Variants in LILRA4 observed in about 807,000 individuals in gnomAD.
LILRA4 encodes leukocyte immunoglobulin like receptor A4.
Under a neutral mutation model 49.5 loss-of-function variants are expected in LILRA4, and 51 were observed. The ratio of observed to expected loss-of-function variants is 1.03; its 90% CI spans 0.82 to 1.30. The LOEUF (loss-of-function observed/expected upper bound fraction) is 1.30. LILRA4 is among the 50% of genes most tolerant of loss of function. LILRA4 has a pLI of 0.00. For missense variants in LILRA4, 624 were observed against 625.6 expected (o/e 1.00, Z 0.03); for synonymous variants, 272 against 265.6 (o/e 1.02, Z -0.23).
chr19:54,336,137 C>G (rs7246860), intron 6 of LILRA4: 1 of 152,140 alleles, frequency 6.6e-6, no homozygotes, highest in Non-Finnish European at 1.5e-5. Context: ...ACACCTCCCT[C>G]CCCTCTGACC....
In LILRA4 at chr19:54,338,135, G is replaced by T. The variant is rs770014137; in HGVS notation, c.456C>A (p.Phe152Leu). The T allele has an allele frequency of 1.9e-6, 3 of 1,614,114 alleles. No individual in the cohort carries two copies. The highest frequency in any genetic ancestry group is 2.5e-6 in the Non-Finnish European group (3 of 1,179,994). Reference protein sequence around the residue: ...RCASRLGLGRFTLIEEGDHRL... With the variant: ...RCASRLGLGRLTLIEEGDHRL... ...TGTGGTCTCCTTCCTCAATCAGAGT[G>T]AACCTGCCCAGTCCCAGCCGTGAGG... The change falls in exon 4 of 8, where the codon TTC (phenylalanine) becomes TTA (leucine). Residue 152 changes from phenylalanine to leucine, a missense_variant. Physicochemically the swap from Phe to Leu is conservative, Grantham distance 22. Coordinates refer to ENST00000291759, the MANE Select transcript of LILRA4 (RefSeq NM_012276.5).
At chr19:54,339,034 C>T (rs746792534) in intron 1 of LILRA4, 26 bp downstream of exon 1, 11 of 1,611,742 alleles carry the variant, frequency 6.8e-6, no homozygotes, top group Middle Eastern at 1.7e-4. Context: ...AGACTAGGGT[C>T]TCTCCTCCCC....
Position 54,337,971 on chromosome 19 carries a change from G to A in LILRA4, c.620C>T (p.Ser207Leu), listed in dbSNP as rs745478251. The A allele has an allele frequency of 8.1e-6, 13 of 1,613,350 alleles. No individual in the cohort carries two copies. The highest frequency in any genetic ancestry group is 6.7e-5 in the African/African-American group (5 of 74,888). Residue 207 changes from serine to leucine, a missense_variant, in exon 4 of 8, where the codon TCG becomes TTG. Ser to Leu is a moderately radical substitution (Grantham distance 145). Coordinates refer to ENST00000291759, the MANE Select transcript of LILRA4 (RefSeq NM_012276.5). ...GYENNTPYVWSEPSDPLQLLV... is the reference protein window; with the variant it reads ...GYENNTPYVWLEPSDPLQLLV... The stretch of plus-strand genomic sequence containing the variant: ...TAGCTGCAGGGGGTCACTGGGTTCC[G>A]ACCACACGTATGGGGTGTTGTTTTC...
Position 54,337,387 on chromosome 19 carries a change from C to A in LILRA4, c.952+13G>T. The A allele has an allele frequency of 6.2e-7, 1 of 1,610,606 alleles. No individual in the cohort carries two copies. The highest frequency in any genetic ancestry group is 8.5e-7 in the Non-Finnish European group (1 of 1,179,408). On this transcript the variant is annotated intron_variant, in intron 5 of 7. Transcript: ENST00000291759. Reference sequence around the variant, plus strand: ...GCCTGGGTCCCCCTGACTGAACCCGCTGGGCTCCTCACCTGCGATCAGGAT... The same window carrying A: ...GCCTGGGTCCCCCTGACTGAACCCGATGGGCTCCTCACCTGCGATCAGGAT...
intron 4 of LILRA4, 39 bp downstream of exon 4, chr19:54,337,897 G>C: frequency 6.4e-7 from 1 of 1,573,506 alleles, no homozygotes; most frequent in Non-Finnish European, 8.6e-7. Flanking sequence ...CTCACCTGGT[G>C]CCCTGACTTT....
In LILRA4 at chr19:54,338,917, C is replaced by T. The variant is rs11880590; in HGVS notation, c.35-16G>A. On this transcript the variant is annotated splice_polypyrimidine_tract_variant and intron_variant, in intron 1 of 7. Coordinates refer to ENST00000291759, the MANE Select transcript of LILRA4 (RefSeq NM_012276.5). ...AGGCTCAGCCCTGGAAGAGAGTTCC[C>T]TGTGAGAGATTTGCCTCCGAAGCCT... The T allele has an allele frequency of 1.7e-4, 268 of 1,614,168 alleles. No individual in the cohort carries two copies. The African/African-American group carries it at 3.0e-3, about 18-fold the overall frequency.
chr19:54,333,828 G>T, intron 7 of LILRA4, 63 bp from the exon 8 acceptor site: 1 of 1,612,198 alleles, frequency 6.2e-7, no homozygotes, highest in Non-Finnish European at 8.5e-7. Context: ...AAAGACCCCT[G>T]GATGTCCACC....
chr19:54,339,011 G>C (rs774540488), intron 1 of LILRA4, 49 bp downstream of exon 1: 5 of 1,612,696 alleles, frequency 3.1e-6, no homozygotes, highest in Non-Finnish European at 4.2e-6. Context: ...CTATGGATTG[G>C]GGTCTCTCTC....
At position 54,338,219 on chromosome 19, in the gene LILRA4, G is replaced by C; in HGVS notation, c.372C>G (p.Thr124=). ...ELVVTAYSRP[T]LSALPSPVVT... ...CCACAGGGCTTGGCAGTGCGGACAG[G>C]GTGGGTCTGCTGTAGGCTTTCAAGA... Residue 124 remains threonine (T), a synonymous_variant, in exon 4 of 8, where the codon ACC becomes ACG. Coordinates refer to ENST00000291759, the MANE Select transcript of LILRA4 (RefSeq NM_012276.5). 6.2e-7 allele frequency: 1 copy of C among 1,611,872 alleles called. No individual in the cohort carries two copies. The highest frequency in any genetic ancestry group is 8.5e-7 in the Non-Finnish European group (1 of 1,178,382).
At chr19:54,333,825 C>T in intron 7 of LILRA4, 60 bp from the exon 8 acceptor site, 1 of 1,612,448 alleles carries the variant, frequency 6.2e-7, no homozygotes, top group Non-Finnish European at 8.5e-7. Flanking sequence ...ACCAAAGACC[C>T]CTGGATGTCC....
Position 54,337,503 on chromosome 19 carries a change from G to T in LILRA4, c.849C>A (p.Ser283Arg). Residue 283 changes from serine to arginine, a missense_variant, in exon 5 of 8, where the codon AGC (serine) becomes AGA (arginine). By Grantham distance (110) the Ser-to-Arg change is moderately radical (BLOSUM62 -1). Coordinates refer to ENST00000291759, the MANE Select transcript of LILRA4 (RefSeq NM_012276.5). ...AGLSQANFTLSPVSRSYGGQY... is the reference protein window; with the variant it reads ...AGLSQANFTLRPVSRSYGGQY... ...GGCCCCCGTAGGAGCGGCTCACAGG[G>T]CTCAGGGTGAAGTTGGCCTGGGAGA... 1 of 1,612,748 alleles carries T rather than the reference G, an allele frequency of 6.2e-7. No individual in the cohort carries two copies. The highest frequency in any genetic ancestry group is 1.3e-5 in the African/African-American group (1 of 74,998).
chr19:54,337,776 T>A, intron 4 of LILRA4, 80 bp from the exon 5 acceptor site: 1 of 1,498,294 alleles, frequency 6.7e-7, no homozygotes, highest in Non-Finnish European at 8.9e-7. Flanking sequence ...CTCACTAGGG[T>A]TTCCAGCGTC....
chr19:54,334,340 A>G (rs186303785), intron 6 of LILRA4: 10 of 206,808 alleles, frequency 4.8e-5, no homozygotes, highest in African/African-American at 2.1e-4. Flanking sequence ...TTTTCAGTGG[A>G]TGAGGACCCA....
intron 2 of LILRA4, 27 bp downstream of exon 2, chr19:54,338,839 A>C (rs777344182): frequency 1.7e-5 from 28 of 1,613,674 alleles, no homozygotes; most frequent in Non-Finnish European, 2.2e-5. Context: ...AGGAGGAGGG[A>C]CCTAGGACAG....
chr19:54,337,592 T>G lies in LILRA4; in HGVS notation c.760A>C (p.Thr254Pro), dbSNP rs1057315648. 24 of 1,612,500 alleles carry G rather than the reference T, an allele frequency of 1.5e-5. No homozygotes were observed. Among genetic ancestry groups the G allele is most frequent in the Non-Finnish European group, 2.0e-5 (24 of 1,179,540 alleles). ...CCATCGGCCCCCTCCTTGTACAGAGTGTATCTGATGTAGCCGACATCAGAG... is the reference window on the plus strand; with the variant it reads ...CCATCGGCCCCCTCCTTGTACAGAGGGTATCTGATGTAGCCGACATCAGAG... ...CGSDVGYIRY[T>P]LYKEGADGLP... The change falls in exon 5 of 8, where the codon ACT (threonine) becomes CCT (proline). Residue 254 changes from threonine to proline, a missense_variant. Physicochemically the swap from Thr to Pro is conservative, Grantham distance 38 (BLOSUM62 -1). Transcript: ENST00000291759.
In LILRA4 at chr19:54,338,083, G is replaced by C; in HGVS notation, c.508C>G (p.Gln170Glu). Reference protein sequence around the residue: ...HRLSWTLNSHQHNHGKFQALF... With the variant: ...HRLSWTLNSHEHNHGKFQALF... ...GCCTGGAACTTTCCATGGTTGTGTT[G>C]GTGTGAGTTCAGGGTCCAGGAGAGC... Residue 170 changes from glutamine (Q) to glutamate (E), a missense_variant, in exon 4 of 8, where the codon CAA (glutamine) becomes GAA (glutamate). By Grantham distance (29) the Gln-to-Glu change is conservative. Transcript: ENST00000291759. 6.2e-7 allele frequency: 1 copy of C among 1,614,076 alleles called. No homozygotes were observed. Among genetic ancestry groups the C allele is most frequent in the Non-Finnish European group, 8.5e-7 (1 of 1,179,996 alleles).
At position 54,337,153 on chromosome 19, in the gene LILRA4, AG is replaced by A; in HGVS notation, c.953-11del. The A allele has an allele frequency of 6.2e-7, 1 of 1,606,578 alleles. No homozygotes were observed. Among genetic ancestry groups the A allele is most frequent in the East Asian group, 2.2e-5 (1 of 44,796 alleles). ...CTGTCAGAGATCTGTCCTGGAGAAAAGAAGGACGGGTGAGGGGCTGCCCCAC... is the reference window on the plus strand; with the variant it reads ...CTGTCAGAGATCTGTCCTGGAGAAAAAAGGACGGGTGAGGGGCTGCCCCAC... On this transcript the variant is annotated splice_polypyrimidine_tract_variant and intron_variant, in intron 5 of 7. Transcript: ENST00000291759.
At chr19:54,336,607 T>C in intron 6 of LILRA4, 1 of 678,500 alleles carries the variant, frequency 1.5e-6, no homozygotes, top group South Asian at 2.1e-5. Flanking sequence ...TTCCATGGGC[T>C]GGGCCCTCCC....
chr19:54,338,073 T>C lies in LILRA4; in HGVS notation c.518A>G (p.His173Arg), dbSNP rs113518545. ...SWTLNSHQHN[H>R]GKFQALFPMG... ...GGGGAACAGGGCCTGGAACTTTCCA[T>C]GGTTGTGTTGGTGTGAGTTCAGGGT... is the stretch of plus-strand genomic sequence containing the variant. The change falls in exon 4 of 8, where the codon CAT becomes CGT. Residue 173 changes from histidine (H) to arginine (R), a missense_variant. Transcript: ENST00000291759. 2 of 1,614,068 alleles carry C rather than the reference T, an allele frequency of 1.2e-6. No individual in the cohort carries two copies. The highest frequency in any genetic ancestry group is 8.5e-7 in the Non-Finnish European group (1 of 1,179,984).
Sources: gnomAD v4.1 joint callset for allele counts on GRCh38, gnomAD v4.1.1 for gene constraint, MANE v1.5 for transcripts, NCBI Gene and HGNC (gene_info 2026-07-23, HGNC 2026-07-21) for gene names.